HDGFL3: variants seen among roughly 807,000 people sequenced by gnomAD.
HDGFL3 encodes the protein HDGF like 3, also known as hepatoma-derived growth factor-related protein 3.
HDGFL3 carries 6 observed loss-of-function variants against 27.6 expected under a neutral mutation model. That is an observed-to-expected ratio of 0.22 (90% CI 0.12 to 0.43). The LOEUF (loss-of-function observed/expected upper bound fraction) is 0.43, where lower values mean the gene tolerates loss of function less well. Ranked by LOEUF, HDGFL3 falls within the 20% of genes least tolerant of loss-of-function variation. The pLI is 1.00. For synonymous variants in HDGFL3, 88 were observed against 88.9 expected (o/e 0.99, Z 0.05); for missense variants, 207 against 250.1 (o/e 0.83, Z 1.16).
At chr15:83,116,815 G>A (rs1301731241) in intron 3 of HDGFL3, among the ~76,000 whole-genome samples, 1 of 152,222 alleles carries the variant, frequency 6.6e-6, no homozygotes, top group Non-Finnish European at 1.5e-5. Flanking sequence ...CAAATTGGGA[G>A]TGATGGGAAG....
chr15:83,175,823 G>A (rs2037302860), intron 1 of HDGFL3, among the ~76,000 whole-genome samples: 1 of 152,178 alleles, frequency 6.6e-6, no homozygotes, highest in Non-Finnish European at 1.5e-5. Context: ...TCAAGCCACT[G>A]TACTCCAGTC....
intron 1 of HDGFL3, among the ~76,000 whole-genome samples, chr15:83,200,465 T>C (rs1392013109): frequency 2.0e-5 from 3 of 152,208 alleles, no homozygotes; most frequent in Non-Finnish European, 4.4e-5. Context: ...AAGCAGCTGC[T>C]GAAAAACATA....
At chr15:83,126,805 A>G, downstream of HDGFL3, 2 of 1,614,098 alleles carry the variant, frequency 1.2e-6, no homozygotes, top group Non-Finnish European at 1.7e-6. Context: ...CGCAATTTCA[A>G]GAGCCCTATC....
intron 1 of HDGFL3, among the ~76,000 whole-genome samples, chr15:83,172,969 T>C (rs1425378138): frequency 1.3e-5 from 2 of 152,100 alleles, no homozygotes; most frequent in Admixed American, 6.6e-5. Flanking sequence ...TGTCTCAGGA[T>C]TGGCAGAGGT....
At chr15:83,117,085 C>T (rs904247681) in intron 3 of HDGFL3, among the ~76,000 whole-genome samples, 1 of 152,058 alleles carries the variant, frequency 6.6e-6, no homozygotes, top group Non-Finnish European at 1.5e-5. Flanking sequence ...TGGGTGCAGT[C>T]GGGGAAGGCT....
At chr15:83,202,388 T>C (rs1351828051) in intron 1 of HDGFL3, among the ~76,000 whole-genome samples, 1 of 152,098 alleles carries the variant, frequency 6.6e-6, no homozygotes, top group Non-Finnish European at 1.5e-5. Context: ...AGTGATTTAA[T>C]ATTAAAGGAA....
exon 4 of HDGFL3, chr15:83,113,111 G>A (rs2034343744): frequency 3.4e-6 from 2 of 582,636 alleles, no homozygotes; most frequent in Non-Finnish European, 6.1e-6. Flanking sequence ...GCATCCCGGT[G>A]GAGAGTTACT....
At position 83,135,596 on chromosome 15, in the gene HDGFL3, C is replaced by G. The variant is rs1044710726; in HGVS notation, c.*3674G>C. 6.6e-6 allele frequency: 1 copy of G among 152,138 alleles called. No individual in the cohort carries two copies. Among genetic ancestry groups the G allele is most frequent in the African/African-American group, 2.4e-5 (1 of 41,424 alleles). 9.4% of individuals were successfully genotyped at this position (152,138 alleles called of 1,614,324 possible). On this transcript the variant is annotated 3_prime_UTR_variant, in exon 6 of 6. Transcript: ENST00000299633. ...CAGGAGCTTTTAATCCTGCTGTGGT[C>G]TGTTTTACCCTTTCCAATACGGTTT...
rs2036175444 is a variant in HDGFL3 at position 83,130,781 on chromosome 15, G to A, written c.*8489C>T. On this transcript the variant is annotated 3_prime_UTR_variant, in exon 6 of 6. Coordinates refer to ENST00000299633, the MANE Select transcript of HDGFL3 (RefSeq NM_016073.4). ...GGAGTCTCATCTTATGGGAGTATCTGACACATTCATCACAGAAAGCACTCT... is the reference window on the plus strand; with the variant it reads ...GGAGTCTCATCTTATGGGAGTATCTAACACATTCATCACAGAAAGCACTCT... The A allele has an allele frequency of 6.6e-6, 1 of 152,206 alleles. No individual in the cohort carries two copies. The highest frequency in any genetic ancestry group is 2.1e-4 in the South Asian group (1 of 4,828). 9.4% of individuals were successfully genotyped at this position (152,206 alleles called of 1,614,324 possible).
chr15:83,152,978 C>T (rs957896754), intron 4 of HDGFL3, among the ~76,000 whole-genome samples: 2 of 148,552 alleles, frequency 1.3e-5, no homozygotes, highest in Non-Finnish European at 3.0e-5. Context: ...TAACAGTCCT[C>T]GATACGCAGT....
intron 4 of HDGFL3, among the ~76,000 whole-genome samples, chr15:83,156,629 T>A (rs2037033190): frequency 6.6e-6 from 1 of 152,228 alleles, no homozygotes; most frequent in African/African-American, 2.4e-5. Context: ...TGTGGTAGGC[T>A]GTACCACCTA....
At chr15:83,123,439 T>A (rs1298165344), downstream of HDGFL3, among the ~76,000 whole-genome samples, 1 of 152,196 alleles carries the variant, frequency 6.6e-6, no homozygotes. Flanking sequence ...TGTTAAGGCC[T>A]TCATTTCTAA....
At chr15:83,164,379 A>AAAAAAAAAAAAAAAAAAAT (rs2037139343) in intron 1 of HDGFL3, among the ~76,000 whole-genome samples, 1 of 149,734 alleles carries the variant, frequency 6.7e-6, no homozygotes, top group Non-Finnish European at 1.5e-5. Context: ...AAAAAAAAAA[A>AAAAAAAAAAAAAAAAAAAT]AAAAAAAAAA....
intron 1 of HDGFL3, chr15:83,180,714 C>T (rs901123160): frequency 8.8e-5 from 12 of 136,152 alleles, no homozygotes; most frequent in Non-Finnish European, 1.5e-4. Flanking sequence ...GGCATGATGT[C>T]GGCTCACTGC....
At chr15:83,179,252 G>T (rs1472141596) in intron 1 of HDGFL3, 1 of 152,272 alleles carries the variant, frequency 6.6e-6, no homozygotes, top group Non-Finnish European at 1.5e-5. Context: ...CTCCTGAGCT[G>T]TGAGTATATG....
chr15:83,144,658 A>C (rs2036855258), intron 5 of HDGFL3: 4 of 390,390 alleles, frequency 1.0e-5, no homozygotes, highest in South Asian at 5.7e-5. Flanking sequence ...GCCAGGAACA[A>C]TTTGAGTGAT....
chr15:83,127,515 T>G, downstream of HDGFL3: 1 of 1,609,668 alleles, frequency 6.2e-7, no homozygotes. Context: ...TTACTTGTGG[T>G]CTAGGTGTCA....
At chr15:83,171,733 C>T (rs972660653) in intron 1 of HDGFL3, among the ~76,000 whole-genome samples, 2 of 151,922 alleles carry the variant, frequency 1.3e-5, no homozygotes, top group African/African-American at 4.8e-5. Context: ...ACACTGTGGA[C>T]TCCAAAAGGG....
chr15:83,156,308 T>C (rs1224564076), intron 4 of HDGFL3, among the ~76,000 whole-genome samples: 1 of 152,152 alleles, frequency 6.6e-6, no homozygotes, highest in Non-Finnish European at 1.5e-5. Flanking sequence ...GGGGACCTAT[T>C]TTAGGTCCCC....
Sources: gnomAD v4.1 joint callset for allele counts (sites outside exome capture counted in the v4.1 genomes callset) on GRCh38, gnomAD v4.1.1 for gene constraint, MANE v1.5 for transcripts, NCBI Gene and HGNC (gene_info 2026-07-23, HGNC 2026-07-21) for gene names.